Variants in CNTN4 observed in about 807,000 individuals in gnomAD.
CNTN4 encodes contactin-4.
In CNTN4, 77 loss-of-function variants were observed where a neutral mutation model predicts 122.5. That is an observed-to-expected ratio of 0.63 (90% CI 0.52 to 0.76). CNTN4 has a LOEUF of 0.76. Ranked by LOEUF, CNTN4 falls within the 30% of genes least tolerant of loss-of-function variation. The probability of loss-of-function intolerance (pLI) is 0.00; values close to 1 mark genes in which losing one functional copy is unlikely to be tolerated. For missense variants in CNTN4, 1,256 were observed against 1,259.1 expected (o/e 1.00, Z 0.04); for synonymous variants, 512 against 447.0 (o/e 1.15, Z -1.83).
Position 2,745,576 on chromosome 3 carries a change from TG to T in CNTN4, c.238del (p.Val80LeufsTer6). 1 of 1,614,176 alleles carries T rather than the reference TG, an allele frequency of 6.2e-7. No individual in the cohort carries two copies. The highest frequency in any genetic ancestry group is 8.5e-7 in the Non-Finnish European group (1 of 1,180,008). ...CTGGTATGGATTTCCGCTACAGTGT[TG>T]TTGAAGGGAGCTTGTTGATCAATAA... ...DTGMDFRYSV[V>X]EGSLLINNPN... On this transcript the variant is annotated frameshift_variant, in exon 6 of 25. Coordinates refer to ENST00000418658, the MANE Select transcript of CNTN4 (RefSeq NM_175607.3). LOFTEE classifies it high-confidence loss of function.
chr3:2,452,214 T>C (rs2048853715), intron 3 of CNTN4, among the ~76,000 whole-genome samples: 1 of 152,206 alleles, frequency 6.6e-6, no homozygotes, highest in Non-Finnish European at 1.5e-5. Context: ...AAAGTCATTT[T>C]ACTTGCCCTG....
intron 6 of CNTN4, among the ~76,000 whole-genome samples, chr3:2,766,392 A>G (rs1437961015): frequency 6.6e-6 from 1 of 152,226 alleles, no homozygotes; most frequent in East Asian, 1.9e-4. Context: ...ATACATATAT[A>G]TGATGGAATA....
chr3:2,404,130 T>C (rs947734182), intron 3 of CNTN4, among the ~76,000 whole-genome samples: 1 of 152,196 alleles, frequency 6.6e-6, no homozygotes, highest in South Asian at 2.1e-4. Flanking sequence ...AGAAACCTCA[T>C]GTATTTGTTT....
intron 2 of CNTN4, among the ~76,000 whole-genome samples, chr3:2,259,278 C>A (rs569224285): frequency 3.2e-4 from 48 of 152,124 alleles, no homozygotes; most frequent in Non-Finnish European, 5.6e-4. Flanking sequence ...CAGTGAAAAT[C>A]GTCACTAATG....
intron 2 of CNTN4, among the ~76,000 whole-genome samples, chr3:2,170,123 C>T (rs984104407): frequency 1.9e-4 from 29 of 151,744 alleles, no homozygotes; most frequent in Admixed American, 5.3e-4. Context: ...AGATCGAGAC[C>T]ATCCTGGCTA....
intron 2 of CNTN4, among the ~76,000 whole-genome samples, chr3:2,138,034 G>T (rs1240592629): frequency 6.6e-6 from 1 of 151,888 alleles, no homozygotes; most frequent in Non-Finnish European, 1.5e-5. Context: ...CTTCTAGCTG[G>T]AATGTGATCA....
chr3:2,299,495 T>C (rs559496005), intron 2 of CNTN4, among the ~76,000 whole-genome samples: 8 of 152,240 alleles, frequency 5.3e-5, no homozygotes, highest in African/African-American at 1.9e-4. Flanking sequence ...ATCTTCAAAG[T>C]CCATTATATC....
At chr3:2,912,839 C>T (rs989918823) in intron 12 of CNTN4, among the ~76,000 whole-genome samples, 5 of 152,236 alleles carry the variant, frequency 3.3e-5, no homozygotes, top group African/African-American at 1.2e-4. Context: ...TGAATGAAAA[C>T]ATATCATTTT....
intron 3 of CNTN4, among the ~76,000 whole-genome samples, chr3:2,405,335 G>T (rs909970047): frequency 6.6e-6 from 1 of 152,092 alleles, no homozygotes; most frequent in Admixed American, 6.6e-5. Context: ...TTAAATATCA[G>T]TTCTTCAAAT....
At chr3:2,273,357 C>T (rs2041376261) in intron 2 of CNTN4, among the ~76,000 whole-genome samples, 1 of 152,116 alleles carries the variant, frequency 6.6e-6, no homozygotes, top group East Asian at 1.9e-4. Context: ...GTCATTGTCC[C>T]AGTGAAATGA....
At chr3:2,364,847 C>A (rs868216153) in intron 3 of CNTN4, among the ~76,000 whole-genome samples, 6 of 152,136 alleles carry the variant, frequency 3.9e-5, no homozygotes, top group Non-Finnish European at 8.8e-5. Flanking sequence ...ATGACAATAT[C>A]AAGTCTTGTC....
intron 2 of CNTN4, among the ~76,000 whole-genome samples, chr3:2,155,371 C>A (rs528950557): frequency 6.6e-6 from 1 of 152,226 alleles, no homozygotes; most frequent in East Asian, 1.9e-4. Flanking sequence ...ATTATCCGTA[C>A]CTGGGAGGTG....
chr3:2,617,717 C>T (rs924510769), intron 4 of CNTN4, among the ~76,000 whole-genome samples: 17 of 151,722 alleles, frequency 1.1e-4, no homozygotes, highest in African/African-American at 2.9e-4. Context: ...CACTGGTGGC[C>T]GACCCGAGAA....
At chr3:2,407,100 C>A (rs1253386868) in intron 3 of CNTN4, among the ~76,000 whole-genome samples, 4 of 152,076 alleles carry the variant, frequency 2.6e-5, no homozygotes, top group Non-Finnish European at 4.4e-5. Flanking sequence ...AAGTGAACAA[C>A]TTTTATTTAG....
chr3:2,908,775 G>A (rs1160321726), intron 12 of CNTN4, among the ~76,000 whole-genome samples: 1 of 152,222 alleles, frequency 6.6e-6, no homozygotes, highest in African/African-American at 2.4e-5. Context: ...CTAAGGGTGA[G>A]TGGGTATCTG....
intron 6 of CNTN4, among the ~76,000 whole-genome samples, chr3:2,801,478 A>G (rs1436109340): frequency 1.3e-5 from 2 of 152,222 alleles, no homozygotes. Flanking sequence ...AGCCTCACAC[A>G]TCACTGTAGG....
At chr3:2,977,867 G>T (rs1405976337) in intron 13 of CNTN4, among the ~76,000 whole-genome samples, 1 of 152,178 alleles carries the variant, frequency 6.6e-6, no homozygotes, top group Non-Finnish European at 1.5e-5. Flanking sequence ...TCCAATGACT[G>T]ATGTCCTTAT....
chr3:2,833,128 T>C (rs2093138603), intron 7 of CNTN4, among the ~76,000 whole-genome samples: 1 of 152,102 alleles, frequency 6.6e-6, no homozygotes, highest in Admixed American at 6.5e-5. Flanking sequence ...TAAGAAAATA[T>C]AAGAAAATGA....
intron 2 of CNTN4, among the ~76,000 whole-genome samples, chr3:2,103,504 T>G (rs897378726): frequency 1.9e-4 from 29 of 152,212 alleles, no homozygotes; most frequent in Non-Finnish European, 7.3e-5. Context: ...AAGATTCTAT[T>G]GTGGGAGTCT....
Sources: allele counts gnomAD v4.1 joint callset (sites outside exome capture counted in the v4.1 genomes callset), GRCh38; gene constraint gnomAD v4.1.1; transcripts MANE v1.5; gene names NCBI Gene and HGNC (gene_info 2026-07-23, HGNC 2026-07-21).